The following CSNK1G3 variants were observed in gnomAD, a reference collection of about 807,000 sequenced individuals.
The protein encoded by CSNK1G3 is casein kinase I isoform gamma-3.
CSNK1G3 carries 23 observed loss-of-function variants against 64.3 expected under a neutral mutation model. That is an observed-to-expected ratio of 0.36 (90% CI 0.26 to 0.51). The LOEUF (loss-of-function observed/expected upper bound fraction) is 0.51. Ranked by LOEUF, CSNK1G3 falls within the 20% of genes least tolerant of loss-of-function variation. The probability of loss-of-function intolerance (pLI) is 0.96; values close to 1 mark genes in which losing one functional copy is unlikely to be tolerated. For synonymous variants in CSNK1G3, 158 were observed against 162.2 expected (o/e 0.97, Z 0.20); for missense variants, 357 against 510.5 (o/e 0.70, Z 2.90).
intron 4 of CSNK1G3, among the ~76,000 whole-genome samples, chr5:123,565,660 C>T (rs930313331): frequency 6.6e-6 from 1 of 152,138 alleles, no homozygotes; most frequent in Non-Finnish European, 1.5e-5. Context: ...AGTTGGCTCA[C>T]GGTTCTGTAG....
intron 6 of CSNK1G3, among the ~76,000 whole-genome samples, chr5:123,583,736 G>A (rs1790793998): frequency 6.6e-6 from 1 of 151,914 alleles, no homozygotes; most frequent in Non-Finnish European, 1.5e-5. Flanking sequence ...CTGGAATGCA[G>A]TGGTGCAACC....
At chr5:123,603,388 A>G (rs1794811527) in intron 10 of CSNK1G3, among the ~76,000 whole-genome samples, 1 of 152,026 alleles carries the variant, frequency 6.6e-6, no homozygotes, top group African/African-American at 2.4e-5. Flanking sequence ...TTGTTTCAGG[A>G]TTTCATTCAT....
At chr5:123,591,460 A>G (rs1219749080) in intron 10 of CSNK1G3, 46 bp downstream of exon 10, 2 of 1,265,584 alleles carry the variant, frequency 1.6e-6, no homozygotes, top group African/African-American at 1.5e-5. Flanking sequence ...CATGATTGAA[A>G]CATACACTTT....
intron 12 of CSNK1G3, among the ~76,000 whole-genome samples, chr5:123,607,267 C>T (rs1234009397): frequency 6.6e-6 from 1 of 152,148 alleles, no homozygotes; most frequent in Non-Finnish European, 1.5e-5. Flanking sequence ...AGCATTGGTT[C>T]CTTAAATCTG....
chr5:123,574,158 G>T (rs1204236080), intron 5 of CSNK1G3, among the ~76,000 whole-genome samples: 4 of 152,192 alleles, frequency 2.6e-5, no homozygotes, highest in South Asian at 2.1e-4. Context: ...CAGAAACATG[G>T]ATTCTTAATT....
chr5:123,601,648 G>A (rs574179908), intron 10 of CSNK1G3, among the ~76,000 whole-genome samples: 1 of 152,264 alleles, frequency 6.6e-6, no homozygotes, highest in East Asian at 1.9e-4. Context: ...AGTCACTGTT[G>A]CTAGAAAATA....
rs188299735 is a variant in CSNK1G3, at chr5:123,583,218, A to T, written c.674-4850A>T. ...ACATGTATAGTATTTTAAGTTTTTTAAACTATATGCATATTATATATAGGT... is the reference window on the plus strand; with the variant it reads ...ACATGTATAGTATTTTAAGTTTTTTTAACTATATGCATATTATATATAGGT... On this transcript the variant is annotated intron_variant, in intron 6 of 12. Coordinates refer to ENST00000345990, the Ensembl canonical transcript of CSNK1G3. 5.7e-3 allele frequency among the ~76,000 whole-genome samples: 868 copies of T among 152,318 alleles called. 8 individuals are homozygous for T. The highest frequency in any genetic ancestry group is 0.014 in the Middle Eastern group (4 of 294).
chr5:123,581,369 T>G (rs979551658), intron 6 of CSNK1G3, among the ~76,000 whole-genome samples: 45 of 146,426 alleles, frequency 3.1e-4, no homozygotes, highest in African/African-American at 1.1e-3. Context: ...TGTTTTTTTT[T>G]TTTTTTTTTT....
At chr5:123,579,204 A>G (rs555761675) in intron 6 of CSNK1G3, among the ~76,000 whole-genome samples, 5 of 151,830 alleles carry the variant, frequency 3.3e-5, no homozygotes, top group East Asian at 3.9e-4. Context: ...AGGATGTGGC[A>G]TCTTTCCTAA....
chr5:123,595,073 A>C, intron 10 of CSNK1G3: 1 of 1,613,804 alleles, frequency 6.2e-7, no homozygotes, highest in Non-Finnish European at 8.5e-7. Flanking sequence ...GACTCCCAGC[A>C]GGCAAATCCC....
intron 10 of CSNK1G3, among the ~76,000 whole-genome samples, chr5:123,596,044 G>A (rs1793378524): frequency 6.6e-6 from 1 of 151,680 alleles, no homozygotes; most frequent in African/African-American, 2.4e-5. Context: ...TTTTCTTAGT[G>A]TATATATTTA....
chr5:123,586,039 A>G (rs181974012), intron 6 of CSNK1G3, among the ~76,000 whole-genome samples: 80 of 152,364 alleles, frequency 5.3e-4, no homozygotes, highest in Middle Eastern at 3.4e-3. Flanking sequence ...ACTGGAACCT[A>G]TTCAAATGTC....
intron 4 of CSNK1G3, among the ~76,000 whole-genome samples, chr5:123,558,570 T>A (rs939556904): frequency 2.6e-5 from 4 of 152,198 alleles, no homozygotes; most frequent in African/African-American, 9.6e-5. Context: ...CATACTGATA[T>A]CAGTTTTACA....
At chr5:123,578,898 C>T (rs1789693044) in intron 6 of CSNK1G3, among the ~76,000 whole-genome samples, 1 of 151,960 alleles carries the variant, frequency 6.6e-6, no homozygotes, top group South Asian at 2.1e-4. Flanking sequence ...TTGCCACATT[C>T]AGTATTCATA....
At chr5:123,528,761 TA>T (rs1172588078) in intron 1 of CSNK1G3, among the ~76,000 whole-genome samples, 6 of 152,216 alleles carry the variant, frequency 3.9e-5, no homozygotes, top group Non-Finnish European at 8.8e-5. Flanking sequence ...GATTACTTTT[TA>T]AGAGAAAATC....
chr5:123,560,993 A>G (rs1785587100), intron 4 of CSNK1G3, among the ~76,000 whole-genome samples: 1 of 152,198 alleles, frequency 6.6e-6, no homozygotes, highest in African/African-American at 2.4e-5. Flanking sequence ...TTTTACCACA[A>G]ATAAATTGGA....
intron 1 of CSNK1G3, among the ~76,000 whole-genome samples, chr5:123,535,191 A>C (rs982172887): frequency 1.3e-5 from 2 of 152,090 alleles, no homozygotes. Context: ...CAACTATTCA[A>C]CTCTTCTCTT....
At chr5:123,565,246 A>G (rs774551350) in intron 4 of CSNK1G3, among the ~76,000 whole-genome samples, 10 of 152,190 alleles carry the variant, frequency 6.6e-5, no homozygotes, top group Non-Finnish European at 1.5e-4. Flanking sequence ...AGTCTCTGGA[A>G]TGAGAGTGAA....
intron 1 of CSNK1G3, among the ~76,000 whole-genome samples, chr5:123,525,387 C>T (rs1255169134): frequency 2.0e-5 from 3 of 151,482 alleles, no homozygotes; most frequent in African/African-American, 7.3e-5. Context: ...TCTCGGCTCA[C>T]TACAACCTCT....
Sources: gnomAD v4.1 joint callset for allele counts (sites outside exome capture counted in the v4.1 genomes callset) on GRCh38, gnomAD v4.1.1 for gene constraint, MANE v1.5 for transcripts, NCBI Gene and HGNC (gene_info 2026-07-23, HGNC 2026-07-21) for gene names.